The following HEXB variants were observed in gnomAD, a reference collection of about 807,000 sequenced individuals.
HEXB encodes beta-hexosaminidase subunit beta.
HEXB carries 51 observed loss-of-function variants against 71.2 expected under a neutral mutation model. That is an observed-to-expected ratio of 0.72 (90% CI 0.57 to 0.90). The LOEUF (loss-of-function observed/expected upper bound fraction) is 0.90. HEXB is among the 40% of genes least tolerant of loss of function. The pLI is 0.00. For synonymous variants in HEXB, 266 were observed against 249.3 expected (o/e 1.07, Z -0.63); for missense variants, 617 against 677.0 (o/e 0.91, Z 0.98).
intron 5 of HEXB, among the ~76,000 whole-genome samples, chr5:74,699,329 A>G (rs1024723532): frequency 3.6e-4 from 54 of 149,768 alleles, no homozygotes; most frequent in African/African-American, 1.2e-3. Flanking sequence ...GCTGGAGTGC[A>G]GTTGGCACAA....
intron 5 of HEXB, among the ~76,000 whole-genome samples, chr5:74,702,886 A>AT (rs892354391): frequency 4.9e-4 from 75 of 152,220 alleles, no homozygotes; most frequent in African/African-American, 1.8e-3. Flanking sequence ...AGTATTCGTT[A>AT]TTTTTATCAG....
chr5:74,650,352 C>T (rs1748079244), intron 1 of HEXB, among the ~76,000 whole-genome samples: 1 of 152,122 alleles, frequency 6.6e-6, no homozygotes, highest in African/African-American at 2.4e-5. Context: ...AAAACATATC[C>T]CTGTTGGAGC....
intron 1 of HEXB, among the ~76,000 whole-genome samples, chr5:74,650,426 T>C (rs1443956995): frequency 6.6e-6 from 1 of 152,194 alleles, no homozygotes; most frequent in African/African-American, 2.4e-5. Flanking sequence ...TTGATAAACA[T>C]GAACTAACAG....
At chr5:74,647,368 C>T (rs899052652) in intron 1 of HEXB, among the ~76,000 whole-genome samples, 13 of 152,182 alleles carry the variant, frequency 8.5e-5, no homozygotes, top group African/African-American at 2.9e-4. Flanking sequence ...AGGGCTTGCA[C>T]CTTTGAATGA....
chr5:74,701,207 T>A (rs1749253159), intron 5 of HEXB, among the ~76,000 whole-genome samples: 1 of 152,112 alleles, frequency 6.6e-6, no homozygotes, highest in African/African-American at 2.4e-5. Flanking sequence ...AGGAGTAGTA[T>A]ATTTCAATGT....
intron 1 of HEXB, among the ~76,000 whole-genome samples, chr5:74,643,823 C>T (rs986261057): frequency 5.3e-5 from 8 of 152,208 alleles, no homozygotes; most frequent in Non-Finnish European, 7.3e-5. Flanking sequence ...CAGCTGCCAT[C>T]CTGCCTCCGG....
intron 2 of HEXB, among the ~76,000 whole-genome samples, chr5:74,692,106 G>A (rs1036599370): frequency 3.3e-5 from 5 of 152,068 alleles, no homozygotes; most frequent in African/African-American, 1.2e-4. Flanking sequence ...TTTTTTAGGT[G>A]ACTGTGCTAT....
intron 1 of HEXB, among the ~76,000 whole-genome samples, chr5:74,669,348 G>A (rs1748491770): frequency 2.0e-5 from 3 of 151,862 alleles, no homozygotes; most frequent in African/African-American, 7.3e-5. Context: ...AAGCTAAAAG[G>A]GAGACAGTCC....
chr5:74,674,024 AG>A (rs1214591394), intron 1 of HEXB, among the ~76,000 whole-genome samples: 2 of 152,166 alleles, frequency 1.3e-5, no homozygotes, highest in South Asian at 2.1e-4. Context: ...CCAACTCCAA[AG>A]GAATGGAGTT....
chr5:74,678,910 T>C (rs571681808), intron 1 of HEXB, among the ~76,000 whole-genome samples: 3 of 152,324 alleles, frequency 2.0e-5, no homozygotes, highest in Non-Finnish European at 4.4e-5. Flanking sequence ...ATAAAATGGT[T>C]ATTTTATTCA....
At chr5:74,707,659 T>C (rs1210928049) in intron 6 of HEXB, among the ~76,000 whole-genome samples, 1 of 152,088 alleles carries the variant, frequency 6.6e-6, no homozygotes, top group Non-Finnish European at 1.5e-5. Context: ...CCTCAGGAGC[T>C]GATGTGATCA....
rs2112122683 is a variant in HEXB at position 74,685,401 on chromosome 5, C to T, written c.141C>T (p.Ser47=). 6.3e-7 allele frequency: 1 copy of T among 1,595,120 alleles called. No individual in the cohort carries two copies. Among genetic ancestry groups the T allele is most frequent in the East Asian group, 2.3e-5 (1 of 43,058 alleles). ...VQVAEAARAP[S]VSAKPGPALW... is the part of the protein sequence containing the mutation. ...TGGCGGAGGCGGCTCGGGCCCCGAG[C>T]GTCTCGGCCAAGCCGGGGCCGGCGC... is the stretch of plus-strand genomic sequence containing the variant. Residue 47 remains serine, a synonymous_variant, in exon 1 of 14, where the codon AGC becomes AGT. Coordinates refer to ENST00000261416, the MANE Select transcript of HEXB (RefSeq NM_000521.4).
intron 9 of HEXB, among the ~76,000 whole-genome samples, chr5:74,717,653 C>A (rs555435146): frequency 4.0e-5 from 6 of 151,576 alleles, no homozygotes; most frequent in African/African-American, 1.2e-4. Flanking sequence ...TTAAAAAAAA[C>A]CTCAAATTTT....
chr5:74,687,426 G>A (rs1748899443), intron 1 of HEXB, among the ~76,000 whole-genome samples: 1 of 152,222 alleles, frequency 6.6e-6, no homozygotes, highest in Non-Finnish European at 1.5e-5. Flanking sequence ...CAGGCAGAGA[G>A]TTTGGCTGTT....
intron 5 of HEXB, among the ~76,000 whole-genome samples, chr5:74,704,458 A>G (rs750337945): frequency 4.6e-5 from 7 of 152,126 alleles, no homozygotes; most frequent in African/African-American, 7.2e-5. Flanking sequence ...TAATAACTCA[A>G]TTTGCCCAAA....
intron 1 of HEXB, among the ~76,000 whole-genome samples, chr5:74,663,055 A>G (rs1448713572): frequency 1.1e-4 from 16 of 152,238 alleles, no homozygotes; most frequent in Non-Finnish European, 2.2e-4. Flanking sequence ...TAAAGTACAC[A>G]CTTCCAAGTC....
At chr5:74,650,151 A>G (rs953743557) in intron 1 of HEXB, among the ~76,000 whole-genome samples, 7 of 152,352 alleles carry the variant, frequency 4.6e-5, no homozygotes, top group African/African-American at 1.7e-4. Context: ...ATATAGGACA[A>G]TGGTTTACAG....
At position 74,718,784 on chromosome 5, in the gene HEXB, G is replaced by A; in HGVS notation, c.1243-13G>A. ...GGCCTAATAATATGTATTGCAATTT[G>A]TAACGTTAATAGCTTGCGCCGGGCA... On this transcript the variant is annotated splice_polypyrimidine_tract_variant and intron_variant, in intron 10 of 13. Coordinates refer to ENST00000261416, the MANE Select transcript of HEXB (RefSeq NM_000521.4). The A allele has an allele frequency of 6.2e-7, 1 of 1,613,552 alleles. No homozygotes were observed. The highest frequency in any genetic ancestry group is 8.5e-7 in the Non-Finnish European group (1 of 1,179,532).
chr5:74,661,427 A>C (rs1748317525), intron 1 of HEXB, among the ~76,000 whole-genome samples: 1 of 152,182 alleles, frequency 6.6e-6, no homozygotes, highest in South Asian at 2.1e-4. Flanking sequence ...ATATTTTTTT[A>C]AATAATATTT....
Sources: allele counts gnomAD v4.1 joint callset (sites outside exome capture counted in the v4.1 genomes callset), GRCh38; gene constraint gnomAD v4.1.1; transcripts MANE v1.5; gene names NCBI Gene and HGNC (gene_info 2026-07-23, HGNC 2026-07-21).